ARHGAP15: variants seen among roughly 807,000 people sequenced by gnomAD.
ARHGAP15 encodes Rho GTPase activating protein 15.
ARHGAP15 carries 51 observed loss-of-function variants against 63.7 expected under a neutral mutation model. That is an observed-to-expected ratio of 0.80 (90% confidence interval 0.64 to 1.01). ARHGAP15 has a LOEUF of 1.01. ARHGAP15 is among the 50% of genes least tolerant of loss of function. The probability of loss-of-function intolerance (pLI) is 0.00; values close to 1 mark genes in which losing one functional copy is unlikely to be tolerated. For missense variants in ARHGAP15, 560 were observed against 564.6 expected (o/e 0.99, Z 0.08); for synonymous variants, 191 against 193.8 (o/e 0.99, Z 0.12).
chr2:143,375,634 A>T (rs1686775306), intron 6 of ARHGAP15, among the ~76,000 whole-genome samples: 1 of 152,212 alleles, frequency 6.6e-6, no homozygotes, highest in Non-Finnish European at 1.5e-5. Context: ...TTTAGAAATG[A>T]AATCTTAGAC....
At chr2:143,346,656 C>T (rs189273510) in intron 6 of ARHGAP15, among the ~76,000 whole-genome samples, 3 of 152,178 alleles carry the variant, frequency 2.0e-5, no homozygotes, top group South Asian at 2.1e-4. Context: ...TTGAAGTGCT[C>T]GCTATCTGTC....
At chr2:143,664,035 T>C (rs1486325540) in intron 12 of ARHGAP15, among the ~76,000 whole-genome samples, 1 of 150,900 alleles carries the variant, frequency 6.6e-6, no homozygotes, top group Non-Finnish European at 1.5e-5. Context: ...TACCCAGGAA[T>C]TGAACTCAGC....
intron 12 of ARHGAP15, among the ~76,000 whole-genome samples, chr2:143,642,565 ATGTTGACATCACAGCACCT>A (rs1451965710): frequency 6.6e-6 from 1 of 152,102 alleles, no homozygotes; most frequent in Non-Finnish European, 1.5e-5. Context: ...TACTCGTAGT[ATGTTGACATCACAGCACCT>A]TGTCCAAGCC....
At chr2:143,160,141 G>C (rs1690233188) in intron 2 of ARHGAP15, among the ~76,000 whole-genome samples, 1 of 151,728 alleles carries the variant, frequency 6.6e-6, no homozygotes, top group Admixed American at 6.6e-5. Context: ...CTTTTATCTA[G>C]CTCTGTAGTA....
intron 11 of ARHGAP15, among the ~76,000 whole-genome samples, chr2:143,610,136 G>A (rs1322361450): frequency 1.3e-5 from 2 of 152,104 alleles, no homozygotes; most frequent in African/African-American, 4.8e-5. Flanking sequence ...TGAATGGCAG[G>A]TTGTGGCCTG....
chr2:143,260,934 T>C (rs1256749016), intron 6 of ARHGAP15, among the ~76,000 whole-genome samples: 2 of 152,152 alleles, frequency 1.3e-5, no homozygotes, highest in African/African-American at 4.8e-5. Context: ...GTAAAATCGA[T>C]AATGATTATA....
At chr2:143,560,542 A>G (rs1695975744) in intron 11 of ARHGAP15, among the ~76,000 whole-genome samples, 1 of 152,236 alleles carries the variant, frequency 6.6e-6, no homozygotes, top group Non-Finnish European at 1.5e-5. Flanking sequence ...ATTATTCTGC[A>G]TTTCCAATTC....
chr2:143,144,888 C>T (rs74437552), intron 1 of ARHGAP15, among the ~76,000 whole-genome samples: 2,902 of 152,010 alleles, frequency 0.019, 86 homozygotes, highest in African/African-American at 0.065. Context: ...CACAATAATG[C>T]GCGTATAAAA....
intron 6 of ARHGAP15, among the ~76,000 whole-genome samples, chr2:143,309,181 C>T (rs1683322735): frequency 6.6e-6 from 1 of 152,018 alleles, no homozygotes; most frequent in South Asian, 2.1e-4. Flanking sequence ...AACCTTTTCC[C>T]TTCATGCTAT....
intron 4 of ARHGAP15, among the ~76,000 whole-genome samples, chr2:143,218,277 C>CTTTTT (rs762494225): frequency 0.016 from 1,455 of 92,030 alleles, 1 homozygote; most frequent in Middle Eastern, 0.025. Context: ...TTTAGTTTTC[C>CTTTTT]TTTTTTTTTT....
chr2:143,243,210 A>G (rs1226195360), intron 5 of ARHGAP15, among the ~76,000 whole-genome samples: 3 of 152,308 alleles, frequency 2.0e-5, no homozygotes, highest in Admixed American at 1.3e-4. Flanking sequence ...ATAAAGAAAA[A>G]TGGGAAACTT....
At chr2:143,440,805 G>A (rs1463565093) in intron 8 of ARHGAP15, among the ~76,000 whole-genome samples, 2 of 152,178 alleles carry the variant, frequency 1.3e-5, no homozygotes, top group African/African-American at 4.8e-5. Context: ...TGGGATGAGA[G>A]TAGGAGAGCA....
intron 9 of ARHGAP15, among the ~76,000 whole-genome samples, chr2:143,505,772 T>C (rs1055248522): frequency 6.6e-6 from 1 of 152,176 alleles, no homozygotes; most frequent in African/African-American, 2.4e-5. Context: ...AAAGCACTTT[T>C]CATCAAAGCC....
chr2:143,245,142 T>C (rs1049039677), intron 5 of ARHGAP15, among the ~76,000 whole-genome samples: 5 of 152,032 alleles, frequency 3.3e-5, no homozygotes, highest in African/African-American at 1.2e-4. Flanking sequence ...ATATGGCAGG[T>C]AATGGGACAA....
intron 6 of ARHGAP15, among the ~76,000 whole-genome samples, chr2:143,416,599 A>G (rs538065283): frequency 6.6e-6 from 1 of 152,232 alleles, no homozygotes; most frequent in South Asian, 2.1e-4. Flanking sequence ...AGCTGCTCCC[A>G]CTGCCAAAGT....
At chr2:143,632,284 G>T (rs937787437) in intron 12 of ARHGAP15, among the ~76,000 whole-genome samples, 2 of 151,846 alleles carry the variant, frequency 1.3e-5, no homozygotes, top group African/African-American at 4.8e-5. Flanking sequence ...ATCACTTTTG[G>T]TGTTTTTTTC....
intron 13 of ARHGAP15, among the ~76,000 whole-genome samples, chr2:143,715,006 C>T (rs539655450): frequency 1.3e-5 from 2 of 152,220 alleles, no homozygotes; most frequent in South Asian, 2.1e-4. Flanking sequence ...TTTTCAGCAA[C>T]GCCCCACTCT....
intron 6 of ARHGAP15, among the ~76,000 whole-genome samples, chr2:143,346,532 T>A (rs927408551): frequency 1.3e-5 from 2 of 152,096 alleles, no homozygotes; most frequent in African/African-American, 4.8e-5. Context: ...TTCCTTTAAA[T>A]GTTAGCTGCA....
intron 10 of ARHGAP15, among the ~76,000 whole-genome samples, chr2:143,555,776 C>A (rs1332438694): frequency 6.6e-6 from 1 of 151,912 alleles, no homozygotes; most frequent in Admixed American, 6.6e-5. Context: ...ATCAAACTAG[C>A]ATTATATCTA....
Sources: gnomAD v4.1 joint callset for allele counts (sites outside exome capture counted in the v4.1 genomes callset) on GRCh38, gnomAD v4.1.1 for gene constraint, MANE v1.5 for transcripts, NCBI Gene and HGNC (gene_info 2026-07-23, HGNC 2026-07-21) for gene names.